The following HS3ST4 variants were observed in gnomAD, a reference collection of about 807,000 sequenced individuals.
The protein encoded by HS3ST4 is heparan sulfate-glucosamine 3-sulfotransferase 4.
HS3ST4 carries 17 observed loss-of-function variants against 29.2 expected under a neutral mutation model. The observed-to-expected ratio is 0.58, with a 90% CI of 0.40 to 0.87. The LOEUF is 0.87. Among genes scored for constraint, HS3ST4 ranks in the 40% least tolerant of loss-of-function variants. The probability of loss-of-function intolerance (pLI) is 0.00; values close to 1 mark genes in which losing one functional copy is unlikely to be tolerated. For missense variants in HS3ST4, 627 were observed against 634.5 expected (o/e 0.99, Z 0.13); for synonymous variants, 314 against 285.7 (o/e 1.10, Z -1.00).
chr16:25,892,473 G>A (rs1336427702), intron 1 of HS3ST4, among the ~76,000 whole-genome samples: 1 of 152,196 alleles, frequency 6.6e-6, no homozygotes, highest in Middle Eastern at 3.2e-3. Flanking sequence ...GAGTGACAGA[G>A]GACAGCAGCC....
intron 1 of HS3ST4, among the ~76,000 whole-genome samples, chr16:25,992,999 A>C (rs908664415): frequency 1.4e-4 from 22 of 152,134 alleles, no homozygotes; most frequent in African/African-American, 5.1e-4. Context: ...TCTCTGCTTC[A>C]TAGTGGACTG....
chr16:25,726,944 T>C (rs1966539453), intron 1 of HS3ST4, among the ~76,000 whole-genome samples: 1 of 152,188 alleles, frequency 6.6e-6, no homozygotes, highest in South Asian at 2.1e-4. Context: ...TCAGTGGTCA[T>C]GGATTCACTG....
At chr16:25,764,508 T>C (rs1053952705) in intron 1 of HS3ST4, among the ~76,000 whole-genome samples, 2 of 152,200 alleles carry the variant, frequency 1.3e-5, no homozygotes, top group South Asian at 2.1e-4. Context: ...CATGTGTATG[T>C]GCGTGTTTTT....
At chr16:25,777,936 G>A (rs1966849133) in intron 1 of HS3ST4, among the ~76,000 whole-genome samples, 1 of 152,154 alleles carries the variant, frequency 6.6e-6, no homozygotes, top group East Asian at 1.9e-4. Context: ...TTTGCATAGA[G>A]AGAGAAATAG....
chr16:26,044,210 A>G (rs539617698), intron 1 of HS3ST4, among the ~76,000 whole-genome samples: 3 of 152,306 alleles, frequency 2.0e-5, no homozygotes, highest in African/African-American at 4.8e-5. Flanking sequence ...GGTGAGTCCA[A>G]TTTCTCCATT....
At chr16:25,766,494 A>G (rs1966819918) in intron 1 of HS3ST4, among the ~76,000 whole-genome samples, 1 of 152,206 alleles carries the variant, frequency 6.6e-6, no homozygotes, top group Non-Finnish European at 1.5e-5. Context: ...AGGTGGTGAC[A>G]GTTCTGTCTG....
chr16:26,043,327 G>A (rs1006159261), intron 1 of HS3ST4, among the ~76,000 whole-genome samples: 5 of 152,090 alleles, frequency 3.3e-5, no homozygotes, highest in African/African-American at 7.2e-5. Context: ...CCTTTCATGC[G>A]GGAGGATTGC....
chr16:25,713,292 C>T (rs963725843), intron 1 of HS3ST4, among the ~76,000 whole-genome samples: 12 of 151,990 alleles, frequency 7.9e-5, no homozygotes, highest in Non-Finnish European at 1.6e-4. Context: ...ACTTTGGGGG[C>T]TGAGGTGGGA....
At chr16:26,006,366 T>C (rs1969258741) in intron 1 of HS3ST4, among the ~76,000 whole-genome samples, 1 of 151,330 alleles carries the variant, frequency 6.6e-6, no homozygotes, top group Non-Finnish European at 1.5e-5. Flanking sequence ...GCAGATATTG[T>C]TTTTCAGTTT....
chr16:25,864,388 A>G (rs963923671), intron 1 of HS3ST4, among the ~76,000 whole-genome samples: 1 of 139,006 alleles, frequency 7.2e-6, no homozygotes, highest in African/African-American at 2.8e-5. Flanking sequence ...TGCAAAAGTA[A>G]TTGTGTTTTT....
chr16:25,813,115 A>G (rs1315716265), intron 1 of HS3ST4, among the ~76,000 whole-genome samples: 1 of 152,230 alleles, frequency 6.6e-6, no homozygotes, highest in Admixed American at 6.5e-5. Context: ...ACACAAGCAC[A>G]TTAAAATGAG....
intron 1 of HS3ST4, among the ~76,000 whole-genome samples, chr16:26,107,826 A>C (rs1165652731): frequency 6.6e-6 from 1 of 152,082 alleles, no homozygotes. Context: ...CTATCTTTGC[A>C]ATTGTGAATT....
At chr16:25,904,648 T>G (rs1241370920) in intron 1 of HS3ST4, among the ~76,000 whole-genome samples, 1 of 152,198 alleles carries the variant, frequency 6.6e-6, no homozygotes, top group African/African-American at 2.4e-5. Context: ...CAATAAGTCT[T>G]TCAATATAGC....
intron 1 of HS3ST4, among the ~76,000 whole-genome samples, chr16:25,905,645 G>A (rs1216328064): frequency 6.6e-6 from 1 of 152,206 alleles, no homozygotes; most frequent in Non-Finnish European, 1.5e-5. Context: ...CCACCTGGAT[G>A]TGAGGTGAAA....
Position 26,110,934 on chromosome 16 carries a change from C to A in HS3ST4, c.735-24678C>A, listed in dbSNP as rs530420380. On this transcript the variant is annotated intron_variant, in intron 1 of 1. Transcript: ENST00000331351. ...CTATTTCTTTTTAGAACAGGTTTTCCCTAGAGAGCCATGTAGTTTGTCCCT... is the reference window on the plus strand; with the variant it reads ...CTATTTCTTTTTAGAACAGGTTTTCACTAGAGAGCCATGTAGTTTGTCCCT... Among the ~76,000 whole-genome samples, 11 of 152,200 alleles carry A rather than the reference C, an allele frequency of 7.2e-5. No homozygotes were observed. The South Asian group carries it at 1.9e-3, about 26-fold the overall frequency.
At chr16:26,115,412 C>T (rs1026103172) in intron 1 of HS3ST4, among the ~76,000 whole-genome samples, 2 of 151,990 alleles carry the variant, frequency 1.3e-5, no homozygotes, top group Admixed American at 6.6e-5. Flanking sequence ...ACGCAGGGTT[C>T]TGTGGAGGAG....
chr16:25,955,433 C>T (rs1968722457), intron 1 of HS3ST4, among the ~76,000 whole-genome samples: 1 of 152,166 alleles, frequency 6.6e-6, no homozygotes, highest in African/African-American at 2.4e-5. Flanking sequence ...TCATTCTTGA[C>T]AGTTGGTCTC....
chr16:25,862,870 G>A (rs1967653017), intron 1 of HS3ST4, among the ~76,000 whole-genome samples: 1 of 152,170 alleles, frequency 6.6e-6, no homozygotes, highest in Non-Finnish European at 1.5e-5. Context: ...TTTACAAAGT[G>A]TTTCCCCCAG....
intron 1 of HS3ST4, among the ~76,000 whole-genome samples, chr16:25,820,246 C>T (rs1004282081): frequency 6.6e-6 from 1 of 151,966 alleles, no homozygotes; most frequent in African/African-American, 2.4e-5. Flanking sequence ...CTTTCAGTGA[C>T]TGACTGTTGA....
Sources: allele counts gnomAD v4.1 joint callset (sites outside exome capture counted in the v4.1 genomes callset), GRCh38; gene constraint gnomAD v4.1.1; transcripts MANE v1.5; gene names NCBI Gene and HGNC (gene_info 2026-07-23, HGNC 2026-07-21).